The following CASK variants were observed in gnomAD, a reference collection of about 807,000 sequenced individuals.
The protein encoded by CASK is calcium/calmodulin dependent serine protein kinase.
Under a neutral mutation model 82.9 loss-of-function variants are expected in CASK, and 4 were observed. The ratio of observed to expected loss-of-function variants is 0.05; its 90% confidence interval spans 0.02 to 0.11. CASK has a LOEUF of 0.11. Among genes scored for constraint, CASK ranks in the 10% least tolerant of loss-of-function variants. The pLI is 1.00. For synonymous variants in CASK, 259 were observed against 253.5 expected (o/e 1.02, Z -0.20); for missense variants, 358 against 720.9 (o/e 0.50, Z 5.76).
chrX:41,579,545 C>G (rs1419553026), intron 14 of CASK, among the ~76,000 whole-genome samples: 1 of 111,661 alleles, frequency 9.0e-6, no homozygotes, highest in Non-Finnish European at 1.9e-5. Context: ...ATAATAAACC[C>G]TTTCTATTAA....
At chrX:41,689,688 T>G (rs865950490) in intron 5 of CASK, 1 of 111,618 alleles carries the variant, frequency 9.0e-6, no homozygotes, top group Non-Finnish European at 1.9e-5. Context: ...CCTAACACAC[T>G]ATTAATAGTA....
At chrX:41,896,361 C>T (rs753497141) in intron 1 of CASK, among the ~76,000 whole-genome samples, 40 of 111,431 alleles carry the variant, frequency 3.6e-4, no homozygotes, top group African/African-American at 1.1e-3. Context: ...TGAGAAACAC[C>T]TCTAACATGA....
chrX:41,897,199 G>A (rs913870400), intron 1 of CASK, among the ~76,000 whole-genome samples: 4 of 111,794 alleles, frequency 3.6e-5, no homozygotes, highest in African/African-American at 1.3e-4. Context: ...TAGAAAAAAG[G>A]CTTTCAGCTT....
intron 1 of CASK, among the ~76,000 whole-genome samples, chrX:41,902,982 A>T (rs1296814545): frequency 8.9e-6 from 1 of 112,116 alleles, no homozygotes; most frequent in Non-Finnish European, 1.9e-5. Flanking sequence ...AAGGCTGTGA[A>T]TGGAAAGGAG....
chrX:41,661,363 T>C (rs1002735843), intron 7 of CASK, among the ~76,000 whole-genome samples: 18 of 111,142 alleles, frequency 1.6e-4, no homozygotes, highest in African/African-American at 5.6e-4. Context: ...GTCTCATTCC[T>C]TGTTCAATAT....
intron 1 of CASK, among the ~76,000 whole-genome samples, chrX:41,863,542 G>T (rs192259407): frequency 1.0e-3 from 117 of 112,452 alleles, no homozygotes; most frequent in African/African-American, 3.7e-3. Flanking sequence ...GCCTAGCAGG[G>T]TCTGCCCTAA....
intron 2 of CASK, among the ~76,000 whole-genome samples, chrX:41,826,874 A>G (rs1265888524): frequency 3.6e-5 from 4 of 112,308 alleles, no homozygotes; most frequent in African/African-American, 1.3e-4. Flanking sequence ...ATATCACTTT[A>G]GTGTAATTGT....
chrX:41,620,925 T>C (rs1412653688), intron 11 of CASK, among the ~76,000 whole-genome samples: 1 of 112,219 alleles, frequency 8.9e-6, no homozygotes, highest in South Asian at 3.7e-4. Flanking sequence ...ATAGATGTTA[T>C]AATCTCTAAT....
chrX:41,618,133 T>A (rs1045001753), intron 11 of CASK, among the ~76,000 whole-genome samples: 1 of 112,610 alleles, frequency 8.9e-6, no homozygotes, highest in Admixed American at 9.4e-5. Flanking sequence ...AAACAAAGTA[T>A]GAGAAAGACT....
chrX:41,660,027 C>T, intron 8 of CASK: 1 of 149,634 alleles, frequency 6.7e-6, no homozygotes, highest in Non-Finnish European at 1.3e-5. Context: ...TGCCGTTTTC[C>T]TAAGACAGAA....
chrX:41,796,471 A>C (rs2069855582), intron 2 of CASK, among the ~76,000 whole-genome samples: 1 of 112,481 alleles, frequency 8.9e-6, no homozygotes, highest in South Asian at 3.7e-4. Context: ...ACACTGCTAT[A>C]TATAGTGTAG....
At chrX:41,565,003 G>T (rs1458333718) in intron 16 of CASK, among the ~76,000 whole-genome samples, 3 of 111,868 alleles carry the variant, frequency 2.7e-5, no homozygotes, top group Non-Finnish European at 3.8e-5. Flanking sequence ...ATAACGAAAT[G>T]AAGGCTGAAA....
At chrX:41,785,002 C>CTTTTT (rs368185380) in intron 3 of CASK, among the ~76,000 whole-genome samples, 1 of 74,857 alleles carries the variant, frequency 1.3e-5, no homozygotes, top group Non-Finnish European at 2.7e-5. Flanking sequence ...TTTCAAAATT[C>CTTTTT]TTTTTTTTTT....
intron 13 of CASK, 152 bp downstream of exon 13, chrX:41,589,363 T>C: frequency 2.2e-6 from 1 of 451,389 alleles, no homozygotes; most frequent in South Asian, 3.5e-5. Flanking sequence ...CTTTTCTGTA[T>C]GTTCAGTAAT....
At chrX:41,524,982 A>T (rs1446119341) in intron 25 of CASK, among the ~76,000 whole-genome samples, 1 of 111,575 alleles carries the variant, frequency 9.0e-6, no homozygotes, top group Non-Finnish European at 1.9e-5. Context: ...TGCTCCCCAC[A>T]TATTTTGCTC....
At chrX:41,708,383 A>G (rs766132026) in intron 5 of CASK, among the ~76,000 whole-genome samples, 1 of 112,405 alleles carries the variant, frequency 8.9e-6, no homozygotes, top group East Asian at 2.8e-4. Context: ...AAGATACAGT[A>G]ATAAAAACTT....
At chrX:41,848,685 C>A (rs2071205260) in intron 2 of CASK, among the ~76,000 whole-genome samples, 1 of 111,867 alleles carries the variant, frequency 8.9e-6, no homozygotes, top group Non-Finnish European at 1.9e-5. Flanking sequence ...CAGGGAACTA[C>A]CAGACAAGTA....
rs1458724134 is a variant in CASK, at chrX:41,520,124, A to G, written c.*296T>C. On this transcript the variant is annotated 3_prime_UTR_variant, in exon 27 of 27. Coordinates refer to ENST00000378163, the MANE Select transcript of CASK (RefSeq NM_001367721.1). Reference sequence around the variant, plus strand: ...TGCAGTTTTTAGGGGCCTTGGAAATAAAAAGCTATGATTTCCAAAAATATA... The same window carrying G: ...TGCAGTTTTTAGGGGCCTTGGAAATGAAAAGCTATGATTTCCAAAAATATA... The G allele has an allele frequency of 5.0e-6, 1 of 199,287 alleles. No homozygotes were observed. Among genetic ancestry groups the G allele is most frequent in the Non-Finnish European group, 9.2e-6 (1 of 109,217 alleles). 16.4% of individuals were successfully genotyped at this position (199,287 alleles called of 1,213,427 possible). A position where few individuals can be genotyped will look rare whatever the true frequency, so the allele number is the denominator to read the frequency against.
At position 41,665,370 on chromosome X, in the gene CASK, G is replaced by A. The variant is rs776821824; in HGVS notation, c.615C>T (p.Cys205=). Reference sequence around the variant, plus strand: ...TGAGCAGGATAAAAAGGATCACACCGCACCCCCAGACGTCTACAGGCTTTC... The same window carrying A: ...TGAGCAGGATAAAAAGGATCACACCACACCCCCAGACGTCTACAGGCTTTC... ...PYGKPVDVWG[C]GVILFILLSG... Residue 205 remains cysteine (C), a synonymous_variant, in exon 7 of 27, where the codon TGC becomes TGT. Transcript: ENST00000378163. The A allele has an allele frequency of 6.6e-6, 8 of 1,204,990 alleles. No homozygotes were observed. Among genetic ancestry groups the A allele is most frequent in the Admixed American group, 4.4e-5 (2 of 45,670 alleles).
Sources: allele counts gnomAD v4.1 joint callset (sites outside exome capture counted in the v4.1 genomes callset), GRCh38; gene constraint gnomAD v4.1.1; transcripts MANE v1.5; gene names NCBI Gene and HGNC (gene_info 2026-07-23, HGNC 2026-07-21).